Variants in LIPJ observed in about 807,000 individuals in gnomAD.
The protein encoded by LIPJ is lipase family member J.
Under a neutral mutation model 39.8 loss-of-function variants are expected in LIPJ, and 33 were observed. The observed-to-expected ratio is 0.83, with a 90% CI of 0.63 to 1.11. The LOEUF (loss-of-function observed/expected upper bound fraction) is 1.11. LIPJ is among the 50% of genes least tolerant of loss of function. LIPJ has a pLI of 0.00. For missense variants in LIPJ, 422 were observed against 427.9 expected (o/e 0.99, Z 0.12); for synonymous variants, 128 against 139.2 (o/e 0.92, Z 0.57).
chr10:88,617,251 C>T, the LIPJ span, among the ~76,000 whole-genome samples: 2 of 151,964 alleles, frequency 1.3e-5, no homozygotes, highest in Admixed American at 1.3e-4. Flanking sequence ...TTACGGCAGT[C>T]GCTAGAGATT....
At chr10:88,605,509 G>A in intron 9 of LIPJ, 124 bp from the exon 10 acceptor site, 1 of 694,536 alleles carries the variant, frequency 1.4e-6, no homozygotes, top group Non-Finnish European at 2.6e-6. Context: ...GAACGAAGAA[G>A]CCCACCTGCA....
chr10:88,583,433 C>A (rs1157110119), upstream of LIPJ: 5 of 1,354,656 alleles, frequency 3.7e-6, no homozygotes, highest in African/African-American at 1.5e-5. Flanking sequence ...TGTCTGTCTT[C>A]TCGCTTTGGG....
chr10:88,585,230 A>G (rs1248937321), upstream of LIPJ, among the ~76,000 whole-genome samples: 1 of 152,234 alleles, frequency 6.6e-6, no homozygotes, highest in Admixed American at 6.5e-5. Context: ...TCAACGGTGA[A>G]GCAAGGGCAG....
the LIPJ span, among the ~76,000 whole-genome samples, chr10:88,615,639 A>AC: frequency 4.0e-5 from 6 of 149,168 alleles, no homozygotes; most frequent in Non-Finnish European, 7.4e-5. Context: ...AAAAAAAAAA[A>AC]AAAAAAAAAA....
At chr10:88,623,043 C>T in the LIPJ span, among the ~76,000 whole-genome samples, 1 of 152,122 alleles carries the variant, frequency 6.6e-6, no homozygotes, top group East Asian at 1.9e-4. Flanking sequence ...GGTCCATCTA[C>T]ATTGGAAACC....
chr10:88,583,839 C>G (rs1172481117), upstream of LIPJ: 1 of 523,032 alleles, frequency 1.9e-6, no homozygotes, highest in Non-Finnish European at 2.5e-6. Context: ...ACAGTTGATT[C>G]ATCAGAAAAT....
At chr10:88,584,474 G>A (rs985125885), upstream of LIPJ, 3 of 152,084 alleles carry the variant, frequency 2.0e-5, no homozygotes, top group African/African-American at 4.8e-5. Flanking sequence ...AAAGCCAAAA[G>A]GAAAATGTGT....
chr10:88,596,367 TA>T lies in LIPJ; in HGVS notation c.532del (p.Ser178ValfsTer3). 6.4e-7 allele frequency: 1 copy of T among 1,561,938 alleles called. No individual in the cohort carries two copies. Among genetic ancestry groups the T allele is most frequent in the African/African-American group, 1.4e-5 (1 of 72,576 alleles). On this transcript the variant is annotated frameshift_variant, in exon 7 of 11. Transcript: ENST00000371939. LOFTEE classifies it high-confidence loss of function. Reference sequence around the variant, plus strand: ...GCACCAGTTTTTTCCACAAAGTACTTAAAAAGTCCTTTAATTAGAATGACAT... The same window carrying T: ...GCACCAGTTTTTTCCACAAAGTACTTAAAAGTCCTTTAATTAGAATGACAT...
exon 11 of LIPJ, chr10:88,606,820 C>T: frequency 1.9e-6 from 3 of 1,612,044 alleles, no homozygotes; most frequent in Non-Finnish European, 2.5e-6. Context: ...CTATTTCTTA[C>T]TACAATCATA....
intron 10 of LIPJ, among the ~76,000 whole-genome samples, chr10:88,606,472 A>T (rs1410411829): frequency 1.3e-5 from 2 of 152,200 alleles, no homozygotes; most frequent in African/African-American, 4.8e-5. Flanking sequence ...GTTTAGATTT[A>T]TGTATGACTT....
chr10:88,594,284 T>G (rs1851179432), intron 5 of LIPJ, 140 bp downstream of exon 5: 3 of 648,034 alleles, frequency 4.6e-6, no homozygotes, highest in Non-Finnish European at 7.8e-6. Flanking sequence ...TGTGAATTTT[T>G]GCTTGAAAAT....
exon 11 of LIPJ, chr10:88,606,712 G>T (rs775778370): frequency 8.1e-6 from 13 of 1,612,798 alleles, no homozygotes. Flanking sequence ...ACATGAATGT[G>T]GCAACTGCAA....
downstream of LIPJ, among the ~76,000 whole-genome samples, chr10:88,611,166 C>T (rs573707407): frequency 5.9e-5 from 9 of 152,248 alleles, no homozygotes; most frequent in South Asian, 8.3e-4. Context: ...AGAGCAAAAA[C>T]GATCATTACA....
chr10:88,601,186 G>A (rs1225858668), intron 8 of LIPJ, among the ~76,000 whole-genome samples: 2 of 152,036 alleles, frequency 1.3e-5, no homozygotes, highest in South Asian at 2.1e-4. Flanking sequence ...GACCTCAGGT[G>A]ATCCACCCAC....
chr10:88,612,206 C>A, the LIPJ span, among the ~76,000 whole-genome samples: 32 of 152,250 alleles, frequency 2.1e-4, no homozygotes, highest in East Asian at 5.8e-3. Context: ...CTTTTCCAGA[C>A]AAATGCTGAG....
upstream of LIPJ, chr10:88,583,532 G>A: frequency 8.8e-7 from 1 of 1,139,562 alleles, no homozygotes. Flanking sequence ...AGCTGACGTT[G>A]ACCACAGCAG....
At chr10:88,596,754 T>C in intron 7 of LIPJ, 36 bp from the exon 8 acceptor site, 1 of 1,542,182 alleles carries the variant, frequency 6.5e-7, no homozygotes, top group Non-Finnish European at 8.9e-7. Flanking sequence ...CTTATTGTGG[T>C]CATCCAAATG....
chr10:88,619,946 C>T, the LIPJ span, among the ~76,000 whole-genome samples: 1 of 151,732 alleles, frequency 6.6e-6, no homozygotes, highest in Non-Finnish European at 1.5e-5. Flanking sequence ...TGAAAAGACA[C>T]TAAAAAAATA....
At chr10:88,596,234 A>C in intron 6 of LIPJ, 46 bp from the exon 7 acceptor site, 9 of 1,184,198 alleles carry the variant, frequency 7.6e-6, no homozygotes, top group Non-Finnish European at 1.0e-5. Flanking sequence ...ACATGCTAGT[A>C]ATTGCTTAAG....
Sources: allele counts gnomAD v4.1 joint callset (sites outside exome capture counted in the v4.1 genomes callset), GRCh38; gene constraint gnomAD v4.1.1; transcripts MANE v1.5; gene names NCBI Gene and HGNC (gene_info 2026-07-23, HGNC 2026-07-21).